CACNA1I: variants seen among roughly 807,000 people sequenced by gnomAD.
CACNA1I encodes the protein voltage-dependent T-type calcium channel subunit alpha-1I.
A neutral mutation model predicts 201.6 loss-of-function variants in CACNA1I; 74 were observed. That is an observed-to-expected ratio of 0.37 (90% CI 0.30 to 0.45). The LOEUF (loss-of-function observed/expected upper bound fraction) is 0.45. CACNA1I is among the 20% of genes least tolerant of loss of function. CACNA1I has a pLI of 1.00. For missense variants in CACNA1I, 2,346 were observed against 3,138.1 expected (o/e 0.75, Z 6.03); for synonymous variants, 1,431 against 1,345.2 (o/e 1.06, Z -1.40).
intron 31 of CACNA1I, 82 bp from the exon 32 acceptor site, chr22:39,679,025 G>T (rs1368071052): frequency 1.8e-6 from 2 of 1,095,090 alleles, no homozygotes; most frequent in African/African-American, 3.1e-5. Context: ...CTGCCTCCGA[G>T]CGTGGCCCTG....
chr22:39,603,007 C>T (rs968048171), intron 3 of CACNA1I, among the ~76,000 whole-genome samples: 2 of 152,124 alleles, frequency 1.3e-5, no homozygotes, highest in Middle Eastern at 3.4e-3. Context: ...AAAAATTAGC[C>T]AGGTGTTTGT....
At chr22:39,664,549 C>T (rs1210345069) in intron 20 of CACNA1I, among the ~76,000 whole-genome samples, 190 bp from the exon 21 acceptor site, 1 of 152,126 alleles carries the variant, frequency 6.6e-6, no homozygotes, top group African/African-American at 2.4e-5. Flanking sequence ...GCCCTGTCCC[C>T]TCCCATCAAC....
Position 39,650,692 on chromosome 22 carries a change from G to A in CACNA1I, c.1992+767G>A, listed in dbSNP as rs554651648. Among the ~76,000 whole-genome samples the A allele has an allele frequency of 2.6e-5, 4 of 152,380 alleles. 1 individual carries two copies. The South Asian group carries it at 6.2e-4, about 24-fold the overall frequency. On this transcript the variant is annotated intron_variant, in intron 10 of 36. Transcript: ENST00000402142. ...CATACAGCCCCATGGCGCTGAGGGC[G>A]AGTGGCCCTGTGGTTGTCCTGTGTG...
chr22:39,585,945 C>G (rs1287640883), intron 1 of CACNA1I, among the ~76,000 whole-genome samples: 1 of 151,720 alleles, frequency 6.6e-6, no homozygotes, highest in Non-Finnish European at 1.5e-5. Context: ...CTTTGGAGGC[C>G]GAGGTGGGTG....
intron 1 of CACNA1I, among the ~76,000 whole-genome samples, chr22:39,574,655 G>C (rs1932287174): frequency 6.6e-6 from 1 of 151,474 alleles, no homozygotes; most frequent in African/African-American, 2.5e-5. Context: ...TGTCTGTCTT[G>C]CATATTCAAT....
At chr22:39,628,712 T>C (rs767594721) in intron 4 of CACNA1I, among the ~76,000 whole-genome samples, 2 of 152,100 alleles carry the variant, frequency 1.3e-5, no homozygotes, top group Non-Finnish European at 2.9e-5. Context: ...TCCTGATTAG[T>C]TGGCGCCGGC....
Position 39,663,801 on chromosome 22 carries a change from C to A in CACNA1I, c.3557C>A (p.Thr1186Asn). ...VLAFIFLNCI[T>N]IALERPQIEA... The stretch of plus-strand genomic sequence containing the variant: ...GCCTTCATCTTTCTCAACTGCATCA[C>A]CATCGCCCTGGAGCGGCCTCAGATC... Residue 1186 changes from threonine to asparagine, a missense_variant, in exon 19 of 37, where the codon ACC (threonine) becomes AAC (asparagine). By Grantham distance (65) the Thr-to-Asn change is moderately conservative. Coordinates refer to ENST00000402142, the MANE Select transcript of CACNA1I (RefSeq NM_021096.4). 6.2e-7 allele frequency: 1 copy of A among 1,612,922 alleles called. No individual in the cohort carries two copies. The highest frequency in any genetic ancestry group is 1.7e-5 in the Admixed American group (1 of 60,014).
At chr22:39,581,049 C>T (rs1932531698) in intron 1 of CACNA1I, among the ~76,000 whole-genome samples, 1 of 152,198 alleles carries the variant, frequency 6.6e-6, no homozygotes, top group African/African-American at 2.4e-5. Context: ...ACCCGAATCA[C>T]ACTCTTGTGA....
chr22:39,570,792 G>A lies in CACNA1I; in HGVS notation c.40G>A (p.Ala14Thr). Reference sequence around the variant, plus strand: ...CTCCCCGCCCTCCTCATCTGCAGCAGCCCCAGCCGCTGAGCCAGGAGTCAC... The same window carrying A: ...CTCCCCGCCCTCCTCATCTGCAGCAACCCCAGCCGCTGAGCCAGGAGTCAC... ...SASPPSSSAA[A>T]PAAEPGVTTE... Residue 14 changes from alanine (A) to threonine (T), a missense_variant, in exon 1 of 37, where the codon GCC becomes ACC. By Grantham distance (58) the Ala-to-Thr change is moderately conservative. This residue lies in a region of CACNA1I where 130 missense variants were observed against 160.7 expected (regional missense o/e 0.81). Transcript: ENST00000402142. 1 of 1,612,516 alleles carries A rather than the reference G, an allele frequency of 6.2e-7. No individual in the cohort carries two copies. The highest frequency in any genetic ancestry group is 8.5e-7 in the Non-Finnish European group (1 of 1,179,536).
Position 39,679,242 on chromosome 22 carries a change from A to T in CACNA1I, c.5191A>T (p.Lys1731Ter). The change falls in exon 32 of 37, where the codon AAG becomes TAG. Residue 1731 changes from lysine (K) to a stop codon, truncating the protein, a stop_gained. Transcript: ENST00000402142. LOFTEE classifies it high-confidence loss of function. ...CAACGTGGTGGTGGCTGTGCTCATG[A>T]AGCACCTGGACGACAGCAACAAGGA... is the stretch of plus-strand genomic sequence containing the variant. Reference protein sequence around the residue: ...LINVVVAVLMKHLDDSNKEAQ... With the variant: ...LINVVVAVLM 1 of 1,592,412 alleles carries T rather than the reference A, an allele frequency of 6.3e-7. No homozygotes were observed. Among genetic ancestry groups the T allele is most frequent in the Non-Finnish European group, 8.5e-7 (1 of 1,170,336 alleles).
chr22:39,658,007 C>T, intron 10 of CACNA1I, 145 bp from the exon 11 acceptor site: 1 of 799,288 alleles, frequency 1.3e-6, no homozygotes, highest in Non-Finnish European at 2.0e-6. Context: ...CCCTCGGGGC[C>T]TTGTGCATGG....
At chr22:39,679,663 A>C in intron 32 of CACNA1I, 59 bp from the exon 33 acceptor site, 6 of 1,479,216 alleles carry the variant, frequency 4.1e-6, no homozygotes, top group South Asian at 2.5e-5. Context: ...TGCCCACCCC[A>C]CAGCCCCGGG....
chr22:39,623,030 T>C (rs1933794318), intron 4 of CACNA1I, among the ~76,000 whole-genome samples: 1 of 152,174 alleles, frequency 6.6e-6, no homozygotes, highest in Non-Finnish European at 1.5e-5. Context: ...CTGAACCTCT[T>C]GTCCGGTCTA....
At chr22:39,577,674 C>T (rs1041350254) in intron 1 of CACNA1I, among the ~76,000 whole-genome samples, 5 of 152,234 alleles carry the variant, frequency 3.3e-5, no homozygotes, top group South Asian at 2.1e-4. Context: ...GGAGACCCGT[C>T]GAGAGGCGCC....
At position 39,664,878 on chromosome 22, in the gene CACNA1I, G is replaced by A. The variant is rs1474287782; in HGVS notation, c.3806G>A (p.Gly1269Glu). 1 of 1,613,024 alleles carries A rather than the reference G, an allele frequency of 6.2e-7. No homozygotes were observed. Among genetic ancestry groups the A allele is most frequent in the Non-Finnish European group, 8.5e-7 (1 of 1,179,834 alleles). The change falls in exon 21 of 37, where the codon GGG becomes GAG. Residue 1269 changes from glycine (G) to glutamate (E), a missense_variant. By Grantham distance (98) the Gly-to-Glu change is moderately conservative. Transcript: ENST00000402142. ...TCAGCCGGGGGAGCCAAGATCTTGG[G>A]GGTCCTCCGAGTCTTGCGGCTCCTG... ...LASAGGAKIL[G>E]VLRVLRLLRT...
chr22:39,662,330 C>G lies in CACNA1I; in HGVS notation c.3267C>G (p.Pro1089=), dbSNP rs1935049610. 6.8e-7 allele frequency: 1 copy of G among 1,477,676 alleles called. No individual in the cohort carries two copies. The highest frequency in any genetic ancestry group is 1.3e-5 in the South Asian group (1 of 75,256). 91.5% of individuals were successfully genotyped at this position (1,477,676 alleles called of 1,614,324 possible). Residue 1089 remains proline, a synonymous_variant, in exon 17 of 37, where the codon CCC becomes CCG. Transcript: ENST00000402142. ...CCTGGAGGGCGGCAGGCCCGGCCCCCGGGCATGAGGACTGCAATGGCAGGA... is the reference window on the plus strand; with the variant it reads ...CCTGGAGGGCGGCAGGCCCGGCCCCGGGGCATGAGGACTGCAATGGCAGGA... ...RAAWRAAGPA[P]GHEDCNGRMP... is the part of the protein sequence containing the mutation.
chr22:39,670,103 C>T lies in CACNA1I; in HGVS notation c.4260C>T (p.Phe1420=). 1.9e-6 allele frequency: 3 copies of T among 1,613,814 alleles called. No individual in the cohort carries two copies. Among genetic ancestry groups the T allele is most frequent in the Non-Finnish European group, 2.5e-6 (3 of 1,179,886 alleles). ...TCTCCTTCCTGCTCATCGTCAGCTT[C>T]TTTGTGCTCAACATGTTTGTGGGTG... ...YFISFLLIVS[F]FVLNMFVGVV... The change falls in exon 25 of 37, where the codon TTC becomes TTT. Residue 1420 remains phenylalanine, a synonymous_variant. Transcript: ENST00000402142.
intron 1 of CACNA1I, among the ~76,000 whole-genome samples, chr22:39,585,358 C>T (rs998664326): frequency 2.8e-4 from 42 of 147,990 alleles, no homozygotes; most frequent in Middle Eastern, 3.7e-3. Context: ...CCACTGGGCC[C>T]GGGCTTTTTT....
At chr22:39,632,542 T>A (rs1934094021) in intron 4 of CACNA1I, among the ~76,000 whole-genome samples, 1 of 143,588 alleles carries the variant, frequency 7.0e-6, no homozygotes, top group Non-Finnish European at 1.5e-5. Context: ...CAACACTTGG[T>A]CCCCTGTCCC....
Sources: gnomAD v4.1 joint callset for allele counts (sites outside exome capture counted in the v4.1 genomes callset) on GRCh38, gnomAD v4.1.1 for gene constraint, gnomAD v4.1.1 regional missense constraint, MANE v1.5 for transcripts, NCBI Gene and HGNC (gene_info 2026-07-23, HGNC 2026-07-21) for gene names.